The following MEGF10 variants were observed in gnomAD, a reference collection of about 807,000 sequenced individuals.
The protein encoded by MEGF10 is multiple EGF like domains 10.
In MEGF10, 86 loss-of-function variants were observed where a neutral mutation model predicts 147.5. The observed-to-expected ratio is 0.58, with a 90% CI of 0.49 to 0.70. The LOEUF is 0.70. MEGF10 is among the 30% of genes least tolerant of loss of function. MEGF10 has a pLI of 0.00. For synonymous variants in MEGF10, 478 were observed against 525.5 expected (o/e 0.91, Z 1.24); for missense variants, 1,329 against 1,487.3 (o/e 0.89, Z 1.75).
intron 14 of MEGF10, among the ~76,000 whole-genome samples, chr5:127,434,112 C>A (rs1165655790): frequency 1.3e-5 from 2 of 152,124 alleles, no homozygotes; most frequent in Non-Finnish European, 2.9e-5. Context: ...GCCTTTCCCC[C>A]CATAAGAATT....
the MEGF10 span, among the ~76,000 whole-genome samples, chr5:127,279,988 C>T: frequency 5.3e-4 from 81 of 152,220 alleles, 1 homozygote; most frequent in South Asian, 9.8e-3. Context: ...AGCAATAACT[C>T]ACTAGTATTT....
At chr5:127,260,580 G>T in the MEGF10 span, among the ~76,000 whole-genome samples, 1 of 152,182 alleles carries the variant, frequency 6.6e-6, no homozygotes, top group South Asian at 2.1e-4. Context: ...AGGTAACTCT[G>T]TCACTCATTG....
In MEGF10 at chr5:127,427,711, G is replaced by A. The variant is rs73783792; in HGVS notation, c.1693+4939G>A. 5.2e-3 allele frequency among the ~76,000 whole-genome samples: 794 copies of A among 152,246 alleles called. 10 individuals carry two copies. The highest frequency in any genetic ancestry group is 0.018 in the African/African-American group (752 of 41,540). On this transcript the variant is annotated intron_variant, in intron 13 of 24. Transcript: ENST00000503335. ...CTGCTACTTCAGGGACTAATCTGTC[G>A]TGAGGTGATGTCTCATGCAGCTAAG... is the stretch of plus-strand genomic sequence containing the variant.
intron 4 of MEGF10, among the ~76,000 whole-genome samples, chr5:127,368,867 A>T (rs78967146): frequency 6.0e-4 from 92 of 152,330 alleles, no homozygotes; most frequent in African/African-American, 2.2e-3. Context: ...GAAAAAGCAC[A>T]TTGAAAAATA....
chr5:127,247,987 T>G, the MEGF10 span, among the ~76,000 whole-genome samples: 1 of 152,012 alleles, frequency 6.6e-6, no homozygotes, highest in Admixed American at 6.6e-5. Flanking sequence ...TTCTGAAAAG[T>G]AGAAGCTGCA....
the MEGF10 span, among the ~76,000 whole-genome samples, chr5:127,275,873 A>G: frequency 1.3e-3 from 191 of 152,188 alleles, no homozygotes; most frequent in Non-Finnish European, 2.2e-3. Context: ...TGGTGAAGAA[A>G]GCAATTTGAA....
chr5:127,447,467 T>G (rs1765984568), intron 20 of MEGF10, 90 bp from the exon 21 acceptor site: 1 of 1,566,382 alleles, frequency 6.4e-7, no homozygotes, highest in Non-Finnish European at 8.7e-7. Flanking sequence ...GTGAGCCACC[T>G]CGCTGGGCCT....
At chr5:127,262,207 C>T in the MEGF10 span, among the ~76,000 whole-genome samples, 1 of 152,112 alleles carries the variant, frequency 6.6e-6, no homozygotes, top group Non-Finnish European at 1.5e-5. Flanking sequence ...TGAAGATTTA[C>T]TCTCTATGTT....
intron 5 of MEGF10, among the ~76,000 whole-genome samples, chr5:127,393,259 C>T (rs761125878): frequency 2.6e-4 from 39 of 152,288 alleles, no homozygotes; most frequent in Admixed American, 9.2e-4. Context: ...CGAGCTGTCT[C>T]TCCAAATGTG....
rs151034187 is a variant in MEGF10 at position 127,347,157 on chromosome 5, T to A, written c.319+6527T>A. On this transcript the variant is annotated intron_variant, in intron 4 of 24. Coordinates refer to ENST00000503335, the MANE Select transcript of MEGF10 (RefSeq NM_001256545.2). The stretch of plus-strand genomic sequence containing the variant: ...TGCTCCACCTGCATTAATAAAGAAA[T>A]CCTCAGAGAAATGAAATTGAGAAAT... Among the ~76,000 whole-genome samples, 46 of 152,096 alleles carry A rather than the reference T, an allele frequency of 3.0e-4. No individual in the cohort carries two copies. The East Asian group carries it at 8.5e-3, about 28-fold the overall frequency.
chr5:127,401,137 C>T (rs1340112948), intron 7 of MEGF10, among the ~76,000 whole-genome samples: 2 of 152,100 alleles, frequency 1.3e-5, no homozygotes, highest in African/African-American at 4.8e-5. Flanking sequence ...AATTTTCACC[C>T]CTTCTTACCA....
chr5:127,297,576 G>T (rs549165380), intron 1 of MEGF10, among the ~76,000 whole-genome samples: 1 of 152,274 alleles, frequency 6.6e-6, no homozygotes, highest in African/African-American at 2.4e-5. Flanking sequence ...AATGGATGGG[G>T]CATCTTAGGT....
intron 4 of MEGF10, among the ~76,000 whole-genome samples, chr5:127,351,537 A>T (rs1762090375): frequency 1.3e-5 from 2 of 152,184 alleles, no homozygotes; most frequent in African/African-American, 4.8e-5. Flanking sequence ...TGTGTGAGTG[A>T]TTCATACAAT....
chr5:127,346,380 A>T lies in MEGF10; in HGVS notation c.319+5750A>T, dbSNP rs1480104809. Among the ~76,000 whole-genome samples the T allele has an allele frequency of 2.0e-5, 3 of 151,994 alleles. No homozygotes were observed. The East Asian group carries it at 5.8e-4, about 29-fold the overall frequency. On this transcript the variant is annotated intron_variant, in intron 4 of 24. Transcript: ENST00000503335. The stretch of plus-strand genomic sequence containing the variant: ...CCACACCGACATCTATTATTTTTGA[A>T]TTTTTTAATTATGGCCATTCTTGCA...
intron 1 of MEGF10, among the ~76,000 whole-genome samples, chr5:127,313,533 T>G (rs746530300): frequency 9.2e-5 from 14 of 152,242 alleles, no homozygotes; most frequent in Non-Finnish European, 1.0e-4. Flanking sequence ...CACACTTATA[T>G]GCACGGACAC....
chr5:127,309,069 T>C (rs1223967481), intron 1 of MEGF10, among the ~76,000 whole-genome samples: 3 of 152,108 alleles, frequency 2.0e-5, no homozygotes, highest in African/African-American at 7.2e-5. Flanking sequence ...CTGTTGTTAT[T>C]ATGTTTTGCC....
intron 13 of MEGF10, 144 bp downstream of exon 13, chr5:127,422,916 T>C: frequency 1.5e-6 from 1 of 649,556 alleles, no homozygotes; most frequent in East Asian, 2.8e-5. Context: ...AACTGAAACC[T>C]TTAATCTATA....
Position 127,447,618 on chromosome 5 carries a change from C to T in MEGF10, c.2790C>T (p.Tyr930=). The T allele has an allele frequency of 6.2e-7, 1 of 1,614,152 alleles. No homozygotes were observed. The highest frequency in any genetic ancestry group is 1.1e-5 in the South Asian group (1 of 91,076). ...ANSHYFTNPS[Y]HTLTQCATSP... is the part of the protein sequence containing the mutation. ...GCCACTACTTCACCAATCCCAGTTACCACACGCTCACCCAGTGTGCCACAT... is the reference window on the plus strand; with the variant it reads ...GCCACTACTTCACCAATCCCAGTTATCACACGCTCACCCAGTGTGCCACAT... The change falls in exon 21 of 25, where the codon TAC becomes TAT. Residue 930 remains tyrosine (Y), a synonymous_variant. Coordinates refer to ENST00000503335, the MANE Select transcript of MEGF10 (RefSeq NM_001256545.2).
the MEGF10 span, among the ~76,000 whole-genome samples, chr5:127,243,176 TAA>T: frequency 6.6e-6 from 1 of 152,174 alleles, no homozygotes; most frequent in African/African-American, 2.4e-5. Flanking sequence ...GCTTCCAGAA[TAA>T]GAGAGAACAT....
Sources: gnomAD v4.1 joint callset for allele counts (sites outside exome capture counted in the v4.1 genomes callset) on GRCh38, gnomAD v4.1.1 for gene constraint, MANE v1.5 for transcripts, NCBI Gene and HGNC (gene_info 2026-07-23, HGNC 2026-07-21) for gene names.